The following PCDHA1 variants were observed in gnomAD, a reference collection of about 807,000 sequenced individuals.
PCDHA1 encodes protocadherin alpha-1.
In PCDHA1, 42 loss-of-function variants were observed where a neutral mutation model predicts 61.3. The observed-to-expected ratio is 0.69, with a 90% CI of 0.54 to 0.89. The LOEUF is 0.89. PCDHA1 is among the 40% of genes least tolerant of loss of function. The pLI is 0.00. For synonymous variants in PCDHA1, 610 were observed against 553.8 expected, an observed-to-expected ratio of 1.10 and a Z score of -1.43; for missense variants, 1,256 against 1,235.3, an observed-to-expected ratio of 1.02 and a Z score of -0.25.
At chr5:140,829,735 C>G (rs2150173587) in intron 1 of PCDHA1, 4 of 1,613,534 alleles carry the variant, frequency 2.5e-6, no homozygotes, top group Non-Finnish European at 2.5e-6. Flanking sequence ...TGGGCAGCAA[C>G]GTGACGCTGC....
At chr5:140,915,232 C>T (rs1554196813) in intron 1 of PCDHA1, among the ~76,000 whole-genome samples, 1 of 152,156 alleles carries the variant, frequency 6.6e-6, no homozygotes, top group Non-Finnish European at 1.5e-5. Flanking sequence ...CAGGCATGAG[C>T]CACCATGCCT....
chr5:140,926,469 C>A (rs558686220), intron 1 of PCDHA1: 1 of 162,452 alleles, frequency 6.2e-6, no homozygotes, highest in Admixed American at 6.4e-5. Context: ...TAGAAAACAC[C>A]GTTTAAGGAG....
intron 1 of PCDHA1, chr5:140,822,981 T>G (rs2150120995): frequency 6.2e-7 from 1 of 1,614,242 alleles, no homozygotes; most frequent in Admixed American, 1.7e-5. Context: ...CCTTCAAGAA[T>G]TACTACTCGT....
chr5:140,846,537 G>A (rs1780542061), intron 1 of PCDHA1, among the ~76,000 whole-genome samples: 1 of 148,262 alleles, frequency 6.7e-6, no homozygotes, highest in Admixed American at 6.8e-5. Context: ...ACCATGCCCT[G>A]CTAATTTTTT....
At chr5:140,841,121 A>G in intron 1 of PCDHA1, 1 of 638,688 alleles carries the variant, frequency 1.6e-6, no homozygotes, top group Non-Finnish European at 2.6e-6. Flanking sequence ...TCATGTAATC[A>G]TTACCTTTTG....
chr5:140,847,794 A>G (rs1581138286), intron 1 of PCDHA1: 1 of 149,890 alleles, frequency 6.7e-6, no homozygotes, highest in Admixed American at 6.7e-5. Context: ...GCAATATTTT[A>G]TACCTTTTCA....
intron 1 of PCDHA1, among the ~76,000 whole-genome samples, chr5:140,819,228 T>C (rs183436055): frequency 2.0e-5 from 3 of 152,310 alleles, no homozygotes; most frequent in South Asian, 2.1e-4. Context: ...TGCTTCAACA[T>C]TTCCTCTTCT....
chr5:140,877,792 CCAAGCCTTCAGCT>C, intron 1 of PCDHA1: 1 of 1,614,004 alleles, frequency 6.2e-7, no homozygotes, highest in East Asian at 2.2e-5. Context: ...GGCCTTCAGC[CCAAGCCTTCAGCT>C]GTCTCGAGAA....
chr5:140,950,708 T>A (rs1554219597), intron 1 of PCDHA1, among the ~76,000 whole-genome samples: 1 of 152,068 alleles, frequency 6.6e-6, no homozygotes, highest in East Asian at 1.9e-4. Context: ...AAATTTTTGT[T>A]CCTTATATCC....
chr5:140,856,923 T>A (rs1178891192), intron 1 of PCDHA1: 1 of 1,595,300 alleles, frequency 6.3e-7, no homozygotes, highest in Non-Finnish European at 8.6e-7. Flanking sequence ...AGAAGGAAAT[T>A]TTGGATAAAC....
chr5:140,858,135 T>C, intron 1 of PCDHA1: 1 of 1,597,450 alleles, frequency 6.3e-7, no homozygotes. Context: ...GATGTCAACG[T>C]GTACCTGATC....
chr5:140,842,310 T>C (rs2150333905), intron 1 of PCDHA1: 2 of 1,608,760 alleles, frequency 1.2e-6, no homozygotes, highest in Admixed American at 1.7e-5. Flanking sequence ...CATCCTCCCA[T>C]GGCGGGTCAT....
chr5:140,875,218 C>T (rs2055357705), intron 1 of PCDHA1: 1 of 744,910 alleles, frequency 1.3e-6, no homozygotes, highest in South Asian at 3.4e-5. Flanking sequence ...CGAAAAGAAC[C>T]TCAGGATCTT....
At chr5:140,962,543 G>A (rs962454688) in intron 1 of PCDHA1, among the ~76,000 whole-genome samples, 1 of 152,176 alleles carries the variant, frequency 6.6e-6, no homozygotes, top group African/African-American at 2.4e-5. Flanking sequence ...AACTAAAAAT[G>A]TAGAGGATCT....
At chr5:140,877,166 T>C in intron 1 of PCDHA1, 3 of 1,613,836 alleles carry the variant, frequency 1.9e-6, no homozygotes, top group Non-Finnish European at 2.5e-6. Context: ...GCGCCGGCAC[T>C]GCTGGCGACT....
At chr5:140,830,237 C>T (rs2150183295) in intron 1 of PCDHA1, 2 of 1,613,954 alleles carry the variant, frequency 1.2e-6, no homozygotes, top group Non-Finnish European at 1.7e-6. Context: ...CCTCACGCTA[C>T]TGCTGTACAC....
chr5:140,981,626 T>A (rs1199717691), intron 2 of PCDHA1, among the ~76,000 whole-genome samples: 1 of 152,176 alleles, frequency 6.6e-6, no homozygotes, highest in Middle Eastern at 3.2e-3. Flanking sequence ...GAGGGTTTTC[T>A]TGGACATTTT....
At chr5:140,828,667 T>G in intron 1 of PCDHA1, 3 of 1,614,172 alleles carry the variant, frequency 1.9e-6, no homozygotes, top group Non-Finnish European at 2.5e-6. Flanking sequence ...ATAAACAAAT[T>G]GGGCTCTTAT....
intron 1 of PCDHA1, among the ~76,000 whole-genome samples, chr5:140,915,092 C>T (rs781958993): frequency 9.2e-5 from 14 of 151,760 alleles, no homozygotes; most frequent in East Asian, 1.9e-4. Context: ...ACTATGGGCA[C>T]GCACCACCAC....
Sources: gnomAD v4.1 joint callset for allele counts (sites outside exome capture counted in the v4.1 genomes callset) on GRCh38, gnomAD v4.1.1 for gene constraint, MANE v1.5 for transcripts, NCBI Gene and HGNC (gene_info 2026-07-23, HGNC 2026-07-21) for gene names.